FHIT: variants seen among roughly 807,000 people sequenced by gnomAD.
The protein encoded by FHIT is bis(5'-adenosyl)-triphosphatase.
In FHIT, 19 loss-of-function variants were observed where a neutral mutation model predicts 17.9. The observed-to-expected ratio is 1.06, with a 90% CI of 0.74 to 1.56. The LOEUF is 1.56. Ranked by LOEUF, FHIT falls within the 40% of genes most tolerant of loss-of-function variation. The pLI, the probability that FHIT is intolerant of heterozygous loss-of-function variation, is 0.00. For synonymous variants in FHIT, 81 were observed against 69.7 expected, an observed-to-expected ratio of 1.16 and a Z score of -0.81; for missense variants, 248 against 189.2, an observed-to-expected ratio of 1.31 and a Z score of -1.82.
chr3:60,568,126 T>G (rs1200532320), intron 4 of FHIT, among the ~76,000 whole-genome samples: 1 of 152,190 alleles, frequency 6.6e-6, no homozygotes, highest in Admixed American at 6.5e-5. Context: ...CAAAGGATTA[T>G]AAATCATGCT....
chr3:60,271,319 C>T (rs1706858341), intron 5 of FHIT, among the ~76,000 whole-genome samples: 1 of 152,098 alleles, frequency 6.6e-6, no homozygotes, highest in African/African-American at 2.4e-5. Context: ...AGGTGAATCG[C>T]TTGAACCCAG....
intron 4 of FHIT, among the ~76,000 whole-genome samples, chr3:60,780,380 G>C (rs1553725466): frequency 2.0e-5 from 3 of 152,144 alleles, no homozygotes; most frequent in African/African-American, 7.2e-5. Flanking sequence ...TCAGGGGAAG[G>C]GGACCCAGAA....
intron 4 of FHIT, among the ~76,000 whole-genome samples, chr3:60,694,790 C>G (rs2041076830): frequency 6.6e-6 from 1 of 152,146 alleles, no homozygotes; most frequent in Non-Finnish European, 1.5e-5. Context: ...TGGAAACCAT[C>G]ATTCTCAGCA....
chr3:60,607,639 T>C (rs530582233), intron 4 of FHIT, among the ~76,000 whole-genome samples: 1 of 152,142 alleles, frequency 6.6e-6, no homozygotes, highest in Admixed American at 6.5e-5. Context: ...AGATGTGTCT[T>C]CAACATTTGC....
chr3:61,017,787 A>G (rs905040389), intron 3 of FHIT, among the ~76,000 whole-genome samples: 1 of 152,244 alleles, frequency 6.6e-6, no homozygotes, highest in African/African-American at 2.4e-5. Flanking sequence ...ATTCTTTAAT[A>G]TCACTCAGAA....
intron 4 of FHIT, among the ~76,000 whole-genome samples, chr3:60,549,236 A>C (rs931041949): frequency 1.3e-5 from 2 of 152,188 alleles, no homozygotes; most frequent in Admixed American, 6.5e-5. Context: ...CATGTATTTG[A>C]CACCATACTG....
At chr3:61,241,080 T>G (rs931285765) in intron 1 of FHIT, among the ~76,000 whole-genome samples, 44 of 152,182 alleles carry the variant, frequency 2.9e-4, no homozygotes, top group African/African-American at 1.0e-3. Context: ...CAAGTGGCTG[T>G]AAAACAAAAT....
At chr3:60,293,982 T>C (rs781167462) in intron 5 of FHIT, among the ~76,000 whole-genome samples, 1 of 152,168 alleles carries the variant, frequency 6.6e-6, no homozygotes, top group Non-Finnish European at 1.5e-5. Flanking sequence ...GCAAATTACA[T>C]TTTAAAAAGC....
At chr3:60,355,002 T>C (rs1576525556) in intron 5 of FHIT, among the ~76,000 whole-genome samples, 1 of 152,188 alleles carries the variant, frequency 6.6e-6, no homozygotes, top group African/African-American at 2.4e-5. Context: ...ACTAGAACTT[T>C]AAAGAATCCT....
chr3:60,065,720 C>T (rs1482137261), intron 5 of FHIT, among the ~76,000 whole-genome samples: 2 of 152,164 alleles, frequency 1.3e-5, no homozygotes, highest in African/African-American at 4.8e-5. Context: ...GGAAACTCTG[C>T]TCAGTTTGCC....
chr3:60,489,428 A>C (rs2033972910), intron 5 of FHIT, among the ~76,000 whole-genome samples: 1 of 152,164 alleles, frequency 6.6e-6, no homozygotes, highest in Admixed American at 6.6e-5. Context: ...CAAAGTTTAA[A>C]TTTTTAAAAG....
At position 60,373,098 on chromosome 3, in the gene FHIT, C is replaced by G. The variant is rs552540745; in HGVS notation, c.103+163762G>C. ...CAGACAATATTGGGTGATGGACATA[C>G]TGATGTTAACACTGAGACCCTACCT... On this transcript the variant is annotated intron_variant, in intron 5 of 9. Coordinates refer to ENST00000492590, the MANE Select transcript of FHIT (RefSeq NM_002012.4). Among the ~76,000 whole-genome samples, 32 of 152,296 alleles carry G rather than the reference C, an allele frequency of 2.1e-4. No individual in the cohort carries two copies. The East Asian group carries it at 6.0e-3, about 28-fold the overall frequency.
intron 4 of FHIT, among the ~76,000 whole-genome samples, chr3:60,679,097 C>T: frequency 6.6e-6 from 1 of 151,960 alleles, no homozygotes; most frequent in East Asian, 1.9e-4. Flanking sequence ...GGCTTCTTTT[C>T]ATTCATTATC....
chr3:60,318,625 G>C (rs1709276188), intron 5 of FHIT, among the ~76,000 whole-genome samples: 1 of 152,160 alleles, frequency 6.6e-6, no homozygotes, highest in Admixed American at 6.5e-5. Context: ...TGATGTGATG[G>C]ACAGAGAACT....
At chr3:60,489,158 C>A (rs1576747391) in intron 5 of FHIT, among the ~76,000 whole-genome samples, 1 of 124,952 alleles carries the variant, frequency 8.0e-6, no homozygotes, top group Admixed American at 9.3e-5. Context: ...ATTATTATTT[C>A]TCTCTATAAT....
chr3:59,847,455 A>T (rs1363835564), intron 8 of FHIT, among the ~76,000 whole-genome samples: 2 of 151,932 alleles, frequency 1.3e-5, no homozygotes, highest in East Asian at 3.9e-4. Context: ...CTCTTTATTG[A>T]TGTTGCCCTT....
chr3:60,067,343 T>C (rs1445913687), intron 5 of FHIT, among the ~76,000 whole-genome samples: 1 of 151,990 alleles, frequency 6.6e-6, no homozygotes. Flanking sequence ...AATGAATGAA[T>C]GAATGAATGA....
chr3:60,213,879 T>C (rs1703572486), intron 5 of FHIT, among the ~76,000 whole-genome samples: 1 of 152,184 alleles, frequency 6.6e-6, no homozygotes, highest in Non-Finnish European at 1.5e-5. Context: ...TTAGAAAGCA[T>C]GCCTATCTAC....
At chr3:61,091,893 T>C (rs1318889868) in intron 2 of FHIT, among the ~76,000 whole-genome samples, 1 of 129,318 alleles carries the variant, frequency 7.7e-6, no homozygotes, top group African/African-American at 3.1e-5. Flanking sequence ...TGACCCATGA[T>C]CATGCCACTG....
Sources: gnomAD v4.1 joint callset for allele counts (sites outside exome capture counted in the v4.1 genomes callset) on GRCh38, gnomAD v4.1.1 for gene constraint, MANE v1.5 for transcripts, NCBI Gene and HGNC (gene_info 2026-07-23, HGNC 2026-07-21) for gene names.